POTEC: variants seen among roughly 807,000 people sequenced by gnomAD.
The protein encoded by POTEC is ANKRD26-like family B member 2.
In POTEC, 35 loss-of-function variants were observed where a neutral mutation model predicts 62.0. The observed-to-expected ratio is 0.56, with a 90% CI of 0.43 to 0.75. POTEC has a LOEUF of 0.75. POTEC is among the 30% of genes least tolerant of loss of function. The pLI is 0.00. For missense variants in POTEC, 472 were observed against 655.9 expected, an observed-to-expected ratio of 0.72 and a Z score of 3.06; for synonymous variants, 156 against 221.5, an observed-to-expected ratio of 0.70 and a Z score of 2.62.
At chr18:14,515,488 G>A (rs1179987108) in intron 9 of POTEC, among the ~76,000 whole-genome samples, 2 of 152,014 alleles carry the variant, frequency 1.3e-5, no homozygotes, top group Non-Finnish European at 2.9e-5. Flanking sequence ...AAAAAAGATA[G>A]TCACATATAG....
At chr18:14,517,039 G>T (rs566884608) in intron 9 of POTEC, among the ~76,000 whole-genome samples, 47 of 149,916 alleles carry the variant, frequency 3.1e-4, no homozygotes, top group African/African-American at 1.1e-3. Flanking sequence ...ACCAAAAACA[G>T]AAAGAAAATA....
chr18:14,525,568 C>A (rs1283729806), intron 6 of POTEC, among the ~76,000 whole-genome samples: 1 of 151,776 alleles, frequency 6.6e-6, no homozygotes, highest in Non-Finnish European at 1.5e-5. Context: ...TCCTTCAATG[C>A]AGCTGCAAGG....
rs1251661508 is a variant in POTEC, at chr18:14,508,212, A to T, written c.*3686T>A. ...TCTTTCAGGTACATTAATCAGTCAT[A>T]GATTTGGTCGTTTATATAATCCCAT... On this transcript the variant is annotated 3_prime_UTR_variant, in exon 11 of 11. Transcript: ENST00000358970. 6.6e-6 allele frequency: 1 copy of T among 152,342 alleles called. No individual in the cohort carries two copies. The highest frequency in any genetic ancestry group is 1.5e-5 in the Non-Finnish European group (1 of 68,034). 9.4% of individuals were successfully genotyped at this position (152,342 alleles called of 1,614,324 possible).
chr18:14,515,008 C>T lies in POTEC; in HGVS notation c.1410-1223G>A, dbSNP rs1389870500. On this transcript the variant is annotated intron_variant, in intron 9 of 10. Coordinates refer to ENST00000358970, the MANE Select transcript of POTEC (RefSeq NM_001137671.2). ...AATATACTTAATGAAGGAGGTGAGTCATCTATCAAAGGATAACTGGAAAAC... is the reference window on the plus strand; with the variant it reads ...AATATACTTAATGAAGGAGGTGAGTTATCTATCAAAGGATAACTGGAAAAC... 3.0e-4 allele frequency among the ~76,000 whole-genome samples: 46 copies of T among 152,250 alleles called. 1 individual carries two copies. In the Middle Eastern group the frequency reaches 0.01, roughly 34 times the overall value.
At chr18:14,541,978 G>A (rs1432035566) in intron 1 of POTEC, among the ~76,000 whole-genome samples, 1 of 152,180 alleles carries the variant, frequency 6.6e-6, no homozygotes, top group African/African-American at 2.4e-5. Context: ...GGAAAAGCAA[G>A]TCTTTTTCCA....
chr18:14,537,210 C>CACACACACACACACACACAA (rs1209635756), intron 3 of POTEC, among the ~76,000 whole-genome samples: 1 of 65,498 alleles, frequency 1.5e-5, no homozygotes, highest in African/African-American at 8.9e-5. Context: ...CACACACACA[C>CACACACACACACACACACAA]AAAAAAAAAA....
At position 14,542,999 on chromosome 18, in the gene POTEC, C is replaced by T; in HGVS notation, c.148G>A (p.Asp50Asn). ...KSNMGTSGDH[D>N]DSFMKMLRSK... ...CTGAGCATCTTCATAAAGGAGTCGT[C>T]GTGGTCTCCAGAAGTGCCCATGTTG... The change falls in exon 1 of 11, where the codon GAC becomes AAC. Residue 50 changes from aspartate (D) to asparagine (N), a missense_variant. Around this residue, in one of 5 missense-constraint regions of POTEC, gnomAD observed 257 missense variants for 250.7 expected, o/e 1.03. Coordinates refer to ENST00000358970, the MANE Select transcript of POTEC (RefSeq NM_001137671.2). 4 of 1,613,222 alleles carry T rather than the reference C, an allele frequency of 2.5e-6. No individual in the cohort carries two copies. Among genetic ancestry groups the T allele is most frequent in the Non-Finnish European group, 3.4e-6 (4 of 1,179,470 alleles).
intron 1 of POTEC, 56 bp downstream of exon 1, chr18:14,542,570 G>C (rs9807187): frequency 6.2e-7 from 1 of 1,609,980 alleles, no homozygotes; most frequent in Non-Finnish European, 8.5e-7. Flanking sequence ...GCGCCAGGAG[G>C]GTATGTCCCC....
rs1289834719 is a variant in POTEC at position 14,537,170 on chromosome 18, A to AC, written c.810+630dup. On this transcript the variant is annotated intron_variant, in intron 3 of 10. Coordinates refer to ENST00000358970, the MANE Select transcript of POTEC (RefSeq NM_001137671.2). The stretch of plus-strand genomic sequence containing the variant: ...TAAAGGAAACGAATGAACAACAATA[A>AC]CAACACACACACACACACACACACA... Among the ~76,000 whole-genome samples, 4 of 79,588 alleles carry AC rather than the reference A, an allele frequency of 5.0e-5. No homozygotes were observed. In the East Asian group the frequency reaches 7.5e-4, roughly 15 times the overall value. 52.2% of individuals were successfully genotyped at this position (79,588 alleles called of 152,430 possible). A position where few individuals can be genotyped will look rare whatever the true frequency, so the allele number is the denominator to read the frequency against.
chr18:14,537,212 A>C (rs9947440), intron 3 of POTEC, among the ~76,000 whole-genome samples: 5,302 of 60,042 alleles, frequency 0.088, 124 homozygotes, highest in Middle Eastern at 0.12. Flanking sequence ...CACACACACA[A>C]AAAAAAAAAA....
At chr18:14,535,698 C>T (rs1598481476) in intron 3 of POTEC, among the ~76,000 whole-genome samples, 1 of 151,972 alleles carries the variant, frequency 6.6e-6, no homozygotes, top group South Asian at 2.1e-4. Flanking sequence ...CTGGATAATA[C>T]AGCTTCAATT....
At chr18:14,534,118 C>T (rs1163722760) in intron 4 of POTEC, among the ~76,000 whole-genome samples, 1 of 130,806 alleles carries the variant, frequency 7.6e-6, no homozygotes, top group Non-Finnish European at 1.6e-5. Flanking sequence ...TATTCCCCTT[C>T]CTGTGTCCAT....
chr18:14,541,182 G>T (rs1905919735), intron 1 of POTEC, among the ~76,000 whole-genome samples: 1 of 152,042 alleles, frequency 6.6e-6, no homozygotes, highest in Non-Finnish European at 1.5e-5. Context: ...AGCCACCATG[G>T]CTGGCCTTTC....
At chr18:14,519,892 G>C (rs56116702) in intron 9 of POTEC, among the ~76,000 whole-genome samples, 1 of 151,964 alleles carries the variant, frequency 6.6e-6, no homozygotes, top group Admixed American at 6.6e-5. Context: ...AAGTGAAGAC[G>C]CCGTTAGGGA....
rs184987899 is a variant in POTEC at position 14,509,587 on chromosome 18, C to A, written c.*2311G>T. 6.6e-6 allele frequency: 1 copy of A among 152,290 alleles called. No homozygotes were observed. The highest frequency in any genetic ancestry group is 2.1e-4 in the South Asian group (1 of 4,826). 9.4% of individuals were successfully genotyped at this position (152,290 alleles called of 1,614,324 possible). ...TGGAATGGTAATGTGCAGGCTAGTG[C>A]GTGGCTGTAGAGGTCACCTTGCTGC... On this transcript the variant is annotated 3_prime_UTR_variant, in exon 11 of 11. Transcript: ENST00000358970.
chr18:14,530,837 C>T (rs1309067146), intron 5 of POTEC, among the ~76,000 whole-genome samples: 1 of 152,114 alleles, frequency 6.6e-6, no homozygotes, highest in Non-Finnish European at 1.5e-5. Context: ...CTGCATAAGT[C>T]CTAGCTCCAT....
intron 1 of POTEC, among the ~76,000 whole-genome samples, chr18:14,541,579 T>C (rs1905934359): frequency 6.6e-6 from 1 of 152,144 alleles, no homozygotes; most frequent in Admixed American, 6.6e-5. Flanking sequence ...CCAGAGGTTG[T>C]AGTGAGCTGA....
intron 9 of POTEC, among the ~76,000 whole-genome samples, chr18:14,518,015 T>C (rs1457899805): frequency 1.3e-5 from 2 of 152,188 alleles, no homozygotes; most frequent in Non-Finnish European, 2.9e-5. Flanking sequence ...ATGTAGCTTA[T>C]TATAAAAAGC....
rs1909997648 is a variant in POTEC, at chr18:14,511,223, G to C, written c.*675C>G. The C allele has an allele frequency of 6.4e-6, 1 of 157,046 alleles. No individual in the cohort carries two copies. Among genetic ancestry groups the C allele is most frequent in the Non-Finnish European group, 1.4e-5 (1 of 71,578 alleles). The allele number at this position is 157,046 out of a possible 1,614,324, so 9.7% of individuals were successfully genotyped here. The stretch of plus-strand genomic sequence containing the variant: ...TGGCCAGGGAACACTGGTGGGTGTA[G>C]CTGGAGGCCTCAGGTGGGAGATCCT... On this transcript the variant is annotated 3_prime_UTR_variant, in exon 11 of 11. Transcript: ENST00000358970.
Sources: gnomAD v4.1 joint callset for allele counts (sites outside exome capture counted in the v4.1 genomes callset) on GRCh38, gnomAD v4.1.1 for gene constraint, gnomAD v4.1.1 regional missense constraint, MANE v1.5 for transcripts, NCBI Gene and HGNC (gene_info 2026-07-23, HGNC 2026-07-21) for gene names.